GUCY1A2: variants seen among roughly 807,000 people sequenced by gnomAD.
The protein encoded by GUCY1A2 is guanylate cyclase 1 soluble subunit alpha 2, also known as guanylate cyclase soluble subunit alpha-2.
GUCY1A2 carries 27 observed loss-of-function variants against 63.5 expected under a neutral mutation model. The observed-to-expected ratio is 0.43, with a 90% CI of 0.31 to 0.59. GUCY1A2 has a LOEUF of 0.59. Ranked by LOEUF, GUCY1A2 falls within the 20% of genes least tolerant of loss-of-function variation. GUCY1A2 has a pLI of 0.11. For missense variants in GUCY1A2, 768 were observed against 913.3 expected (o/e 0.84, Z 2.05); for synonymous variants, 364 against 343.5 (o/e 1.06, Z -0.66).
Position 106,710,324 on chromosome 11 carries a change from AG to A in GUCY1A2, c.1837-1659del, listed in dbSNP as rs1863091547. The stretch of plus-strand genomic sequence containing the variant: ...TATATTATATACATGTATATAATAT[AG>A]TTATATATATAATATATAGTTATAT... On this transcript the variant is annotated intron_variant, in intron 6 of 7. Transcript: ENST00000526355. Among the ~76,000 whole-genome samples the A allele has an allele frequency of 1.3e-3, 27 of 21,084 alleles. 5 individuals carry two copies. In the Admixed American group the frequency reaches 0.022, roughly 17 times the overall value. 13.8% of individuals were successfully genotyped at this position (21,084 alleles called of 152,430 possible).
chr11:106,817,192 T>G (rs1241085998), intron 4 of GUCY1A2, among the ~76,000 whole-genome samples: 1 of 152,066 alleles, frequency 6.6e-6, no homozygotes, highest in Non-Finnish European at 1.5e-5. Flanking sequence ...ATGAAGCATA[T>G]GAAATGACAG....
chr11:106,814,948 G>A (rs944729906), intron 4 of GUCY1A2, among the ~76,000 whole-genome samples: 23 of 152,014 alleles, frequency 1.5e-4, no homozygotes, highest in Non-Finnish European at 2.6e-4. Context: ...AAAGACAATC[G>A]ATTGACGCCA....
chr11:106,930,312 G>A (rs1338721847), intron 4 of GUCY1A2, among the ~76,000 whole-genome samples: 1 of 152,208 alleles, frequency 6.6e-6, no homozygotes, highest in East Asian at 1.9e-4. Flanking sequence ...AAGTTGGGAA[G>A]TCCTGCTACA....
intron 4 of GUCY1A2, among the ~76,000 whole-genome samples, chr11:106,844,650 A>T (rs1003413189): frequency 6.6e-6 from 1 of 151,820 alleles, no homozygotes; most frequent in African/African-American, 2.4e-5. Context: ...CCTGTGGTCA[A>T]AGCAGAAACA....
At chr11:106,960,674 T>C (rs919111652) in intron 3 of GUCY1A2, among the ~76,000 whole-genome samples, 4 of 152,182 alleles carry the variant, frequency 2.6e-5, no homozygotes, top group African/African-American at 2.4e-5. Context: ...TGGATACTGG[T>C]AAGCCTTTGG....
At chr11:106,798,832 G>A (rs1353634229) in intron 5 of GUCY1A2, among the ~76,000 whole-genome samples, 1 of 152,096 alleles carries the variant, frequency 6.6e-6, no homozygotes, top group Non-Finnish European at 1.5e-5. Flanking sequence ...AAAACTGGAA[G>A]CATTCCCTTT....
At chr11:106,880,149 G>A (rs1294788773) in intron 4 of GUCY1A2, among the ~76,000 whole-genome samples, 3 of 151,994 alleles carry the variant, frequency 2.0e-5, no homozygotes, top group Non-Finnish European at 4.4e-5. Flanking sequence ...ACTTAAGCAT[G>A]CCCTCAGAAT....
intron 7 of GUCY1A2, among the ~76,000 whole-genome samples, chr11:106,692,691 A>G (rs1334880276): frequency 3.9e-5 from 6 of 152,208 alleles, no homozygotes; most frequent in South Asian, 2.1e-4. Flanking sequence ...CAACTGGTCA[A>G]CAGGTAATCA....
At chr11:106,782,586 C>T (rs1864484193) in intron 5 of GUCY1A2, among the ~76,000 whole-genome samples, 1 of 152,164 alleles carries the variant, frequency 6.6e-6, no homozygotes, top group Non-Finnish European at 1.5e-5. Context: ...AATCAGCTGA[C>T]ATTTGTTGTG....
intron 4 of GUCY1A2, among the ~76,000 whole-genome samples, chr11:106,933,892 A>G (rs1331463683): frequency 6.6e-6 from 1 of 152,172 alleles, no homozygotes; most frequent in Non-Finnish European, 1.5e-5. Context: ...TAAAAGTGGG[A>G]GCTAAACATT....
chr11:106,913,986 CA>C (rs11325847), intron 4 of GUCY1A2, among the ~76,000 whole-genome samples: 11,107 of 71,254 alleles, frequency 0.16, 396 homozygotes, highest in Middle Eastern at 0.28. Context: ...AATGAAAAAG[CA>C]AAAAAAAAAA....
chr11:106,842,892 T>C (rs1006377426), intron 4 of GUCY1A2, among the ~76,000 whole-genome samples: 6 of 151,868 alleles, frequency 4.0e-5, no homozygotes, highest in African/African-American at 1.2e-4. Context: ...AGCAAGGCCC[T>C]TGGGTGTCTG....
intron 2 of GUCY1A2, 75 bp downstream of exon 2, chr11:106,985,993 TCA>T: frequency 1.2e-6 from 1 of 818,936 alleles, no homozygotes; most frequent in Non-Finnish European, 2.2e-6. Flanking sequence ...TAGCAGAAAA[TCA>T]CATACTCAAC....
chr11:106,948,392 T>C (rs886104078), intron 3 of GUCY1A2, among the ~76,000 whole-genome samples: 1 of 152,080 alleles, frequency 6.6e-6, no homozygotes, highest in African/African-American at 2.4e-5. Context: ...CAGTGGAAAA[T>C]ATATCAGCAT....
chr11:106,923,542 G>A (rs528070899), intron 4 of GUCY1A2, among the ~76,000 whole-genome samples: 1 of 152,228 alleles, frequency 6.6e-6, no homozygotes, highest in South Asian at 2.1e-4. Flanking sequence ...ACATGCCATT[G>A]TCAATATGAC....
intron 4 of GUCY1A2, among the ~76,000 whole-genome samples, chr11:106,884,127 CGTAT>C (rs1354014714): frequency 6.6e-6 from 1 of 151,956 alleles, no homozygotes; most frequent in East Asian, 1.9e-4. Context: ...CACATGTATA[CGTAT>C]GTAACAGACC....
At chr11:106,868,083 G>A (rs1008637941) in intron 4 of GUCY1A2, among the ~76,000 whole-genome samples, 51 of 151,806 alleles carry the variant, frequency 3.4e-4, no homozygotes, top group African/African-American at 1.0e-3. Context: ...TGTAGTCTTC[G>A]GTTTCATAAT....
At chr11:106,884,449 G>A (rs1241440701) in intron 4 of GUCY1A2, among the ~76,000 whole-genome samples, 1 of 152,148 alleles carries the variant, frequency 6.6e-6, no homozygotes, top group Non-Finnish European at 1.5e-5. Flanking sequence ...CAATGTCTCT[G>A]AGAGTGAGAG....
chr11:106,783,443 G>A (rs1344416583), intron 5 of GUCY1A2, among the ~76,000 whole-genome samples: 2 of 151,876 alleles, frequency 1.3e-5, no homozygotes, highest in Non-Finnish European at 2.9e-5. Flanking sequence ...GTATCTCCAT[G>A]GGCTGCCCTG....
Sources: allele counts gnomAD v4.1 joint callset (sites outside exome capture counted in the v4.1 genomes callset), GRCh38; gene constraint gnomAD v4.1.1; transcripts MANE v1.5; gene names NCBI Gene and HGNC (gene_info 2026-07-23, HGNC 2026-07-21).